The following MBD5 variants were observed in gnomAD, a reference collection of about 807,000 sequenced individuals.
The protein encoded by MBD5 is methyl-CpG binding domain protein 5, also known as methyl-CpG-binding domain protein 5.
A neutral mutation model predicts 117.3 loss-of-function variants in MBD5; 13 were observed. The observed-to-expected ratio is 0.11, with a 90% CI of 0.07 to 0.18. MBD5 has a LOEUF of 0.18. Ranked by LOEUF, MBD5 falls within the 10% of genes least tolerant of loss-of-function variation. MBD5 has a pLI of 1.00. For synonymous variants in MBD5, 727 were observed against 766.4 expected (o/e 0.95, Z 0.85); for missense variants, 1,879 against 2,093.8 (o/e 0.90, Z 2.00).
chr2:148,103,196 C>T (rs1314790224), intron 1 of MBD5, among the ~76,000 whole-genome samples: 1 of 152,060 alleles, frequency 6.6e-6, no homozygotes, highest in Non-Finnish European at 1.5e-5. Context: ...AAGCCAAAGC[C>T]GGCTCCAACT....
intron 1 of MBD5, among the ~76,000 whole-genome samples, chr2:148,029,785 A>G (rs2105578151): frequency 6.6e-6 from 1 of 152,138 alleles, no homozygotes; most frequent in East Asian, 1.9e-4. Context: ...TTAATTTTAG[A>G]CCTTGAATGA....
chr2:148,305,152 A>T (rs1040018566), intron 3 of MBD5, among the ~76,000 whole-genome samples: 2 of 152,216 alleles, frequency 1.3e-5, no homozygotes, highest in Non-Finnish European at 2.9e-5. Context: ...ATCCAGCAGG[A>T]TACTTGCTTA....
chr2:148,472,550 A>G (rs1680829854), intron 8 of MBD5: 1 of 152,130 alleles, frequency 6.6e-6, no homozygotes, highest in Admixed American at 6.6e-5. Flanking sequence ...CTCTAATGCC[A>G]TGTTTCTTTT....
At chr2:148,347,661 A>G (rs542689022) in intron 4 of MBD5, 1 of 152,144 alleles carries the variant, frequency 6.6e-6, no homozygotes, top group East Asian at 1.9e-4. Flanking sequence ...TAGGGTTCAC[A>G]AAATTTTAAG....
chr2:148,122,860 T>C (rs958789415), intron 1 of MBD5, among the ~76,000 whole-genome samples: 1 of 152,210 alleles, frequency 6.6e-6, no homozygotes, highest in Non-Finnish European at 1.5e-5. Flanking sequence ...GCCATTTTTA[T>C]CACCTTCAAA....
At chr2:148,296,142 T>A (rs773843740) in intron 3 of MBD5, 8 of 193,294 alleles carry the variant, frequency 4.1e-5, no homozygotes, top group Non-Finnish European at 8.1e-5. Flanking sequence ...TTCTGAAAAA[T>A]TTCATGAACC....
At chr2:148,250,763 T>C (rs1700446778) in intron 3 of MBD5, among the ~76,000 whole-genome samples, 1 of 152,166 alleles carries the variant, frequency 6.6e-6, no homozygotes, top group African/African-American at 2.4e-5. Context: ...GAAATGTTAT[T>C]ATTCTTATTT....
intron 3 of MBD5, among the ~76,000 whole-genome samples, chr2:148,300,946 G>A (rs1215856963): frequency 6.6e-6 from 1 of 152,168 alleles, no homozygotes; most frequent in African/African-American, 2.4e-5. Flanking sequence ...CATGCTGCAC[G>A]CTCCTTTCCT....
intron 4 of MBD5, among the ~76,000 whole-genome samples, chr2:148,447,230 A>AGAAG (rs1415875535): frequency 6.9e-6 from 1 of 145,774 alleles, no homozygotes; most frequent in African/African-American, 2.6e-5. Context: ...AAAGAAAGAA[A>AGAAG]GAAAGGGAAA....
At chr2:148,095,804 T>A (rs1228682159) in intron 1 of MBD5, among the ~76,000 whole-genome samples, 5 of 151,954 alleles carry the variant, frequency 3.3e-5, no homozygotes, top group Admixed American at 3.3e-4. Context: ...CATTTTGAGA[T>A]GTTCTGTGTT....
intron 4 of MBD5, among the ~76,000 whole-genome samples, chr2:148,407,584 CATATT>C (rs934526153): frequency 6.6e-6 from 1 of 152,094 alleles, no homozygotes; most frequent in African/African-American, 2.4e-5. Flanking sequence ...TTATAGCACT[CATATT>C]ATAATATCCT....
At chr2:148,353,795 G>T (rs1703304178) in intron 4 of MBD5, among the ~76,000 whole-genome samples, 1 of 151,962 alleles carries the variant, frequency 6.6e-6, no homozygotes, top group Admixed American at 6.6e-5. Context: ...TGCCCAGGCT[G>T]ATCTCAAACT....
At chr2:148,419,718 C>T (rs1705539013) in intron 4 of MBD5, among the ~76,000 whole-genome samples, 1 of 152,000 alleles carries the variant, frequency 6.6e-6, no homozygotes. Context: ...AGTATTATAT[C>T]CAGCCACCCT....
rs565897545 is a variant in MBD5, at chr2:148,464,055, T to G, written c.397+136T>G. ...TTTTAAAATTCTGTATGTCCTGTAATTTTATTACAAATAGCAAACTAGTTC... is the reference window on the plus strand; with the variant it reads ...TTTTAAAATTCTGTATGTCCTGTAAGTTTATTACAAATAGCAAACTAGTTC... On this transcript the variant is annotated intron_variant, in intron 7 of 13. Coordinates refer to ENST00000642680, the MANE Select transcript of MBD5 (RefSeq NM_001378120.1). The G allele has an allele frequency of 6.0e-4, 549 of 916,466 alleles. 8 individuals are homozygous for G. In the South Asian group the frequency reaches 9.4e-3, roughly 16 times the overall value. 56.8% of individuals were successfully genotyped at this position (916,466 alleles called of 1,614,324 possible).
At chr2:148,238,861 T>G (rs1164056330) in intron 3 of MBD5, among the ~76,000 whole-genome samples, 1 of 152,122 alleles carries the variant, frequency 6.6e-6, no homozygotes, top group Non-Finnish European at 1.5e-5. Flanking sequence ...GATTAGGGCC[T>G]ACCCTAATTC....
At chr2:148,284,560 T>C (rs1701327870) in intron 3 of MBD5, among the ~76,000 whole-genome samples, 1 of 152,142 alleles carries the variant, frequency 6.6e-6, no homozygotes, top group East Asian at 1.9e-4. Context: ...AGCCTTGGTA[T>C]CACCCTCTAT....
chr2:148,153,687 A>C (rs1209573695), intron 1 of MBD5, among the ~76,000 whole-genome samples: 4 of 141,950 alleles, frequency 2.8e-5, no homozygotes, highest in Non-Finnish European at 4.6e-5. Context: ...CATTTCATTC[A>C]TTTCATCTTC....
intron 4 of MBD5, among the ~76,000 whole-genome samples, chr2:148,387,134 C>T (rs1704397339): frequency 6.6e-6 from 1 of 152,144 alleles, no homozygotes; most frequent in Admixed American, 6.5e-5. Flanking sequence ...CATTCTCACT[C>T]ATGAACTTTA....
At chr2:148,290,187 A>T (rs1391285627) in intron 3 of MBD5, among the ~76,000 whole-genome samples, 1 of 148,320 alleles carries the variant, frequency 6.7e-6, no homozygotes, top group Non-Finnish European at 1.5e-5. Context: ...CGAATGCCTG[A>T]CCTCAGGTGA....
Sources: allele counts gnomAD v4.1 joint callset (sites outside exome capture counted in the v4.1 genomes callset), GRCh38; gene constraint gnomAD v4.1.1; transcripts MANE v1.5; gene names NCBI Gene and HGNC (gene_info 2026-07-23, HGNC 2026-07-21).